ENO1: variants seen among roughly 807,000 people sequenced by gnomAD.
ENO1 encodes alpha-enolase.
ENO1 carries 33 observed loss-of-function variants against 46.3 expected under a neutral mutation model. The ratio of observed to expected loss-of-function variants is 0.71; its 90% CI spans 0.54 to 0.95. The LOEUF (loss-of-function observed/expected upper bound fraction) is 0.95. Among genes scored for constraint, ENO1 ranks in the 40% least tolerant of loss-of-function variants. ENO1 has a pLI of 0.00. For missense variants in ENO1, 488 were observed against 553.3 expected (o/e 0.88, Z 1.18); for synonymous variants, 220 against 216.0 (o/e 1.02, Z -0.16).
chr1:8,867,179 C>T lies in ENO1; in HGVS notation c.382G>A (p.Val128Ile), dbSNP rs777321133. Reference sequence around the variant, plus strand: ...TCAGCGATGTGGCGGTACAGGGGGACCCCCTTCTCAACGGCACCAGCTTTG... The same window carrying T: ...TCAGCGATGTGGCGGTACAGGGGGATCCCCTTCTCAACGGCACCAGCTTTG... ...VCKAGAVEKGVPLYRHIADLA... is the reference protein window; with the variant it reads ...VCKAGAVEKGIPLYRHIADLA... The change falls in exon 6 of 12, where the codon GTC becomes ATC. Residue 128 changes from valine to isoleucine, a missense_variant. Transcript: ENST00000234590. The T allele has an allele frequency of 3.7e-6, 6 of 1,614,038 alleles. No homozygotes were observed. Among genetic ancestry groups the T allele is most frequent in the African/African-American group, 1.3e-5 (1 of 74,912 alleles).
At chr1:8,862,299 C>T (rs1300602204) in intron 11 of ENO1, among the ~76,000 whole-genome samples, 3 of 152,090 alleles carry the variant, frequency 2.0e-5, no homozygotes, top group Non-Finnish European at 4.4e-5. Context: ...GTCTACTGTT[C>T]ACCTGCTTTT....
Position 8,866,492 on chromosome 1 carries a change from C to T in ENO1, c.454G>A (p.Val152Ile). 6.2e-7 allele frequency: 1 copy of T among 1,614,186 alleles called. No homozygotes were observed. The highest frequency in any genetic ancestry group is 8.5e-7 in the Non-Finnish European group (1 of 1,180,044). Residue 152 changes from valine (V) to isoleucine (I), a missense_variant, in exon 7 of 12, where the codon GTC (valine) becomes ATC (isoleucine). Physicochemically the swap from Val to Ile is conservative, Grantham distance 29. Transcript: ENST00000234590. ...EVILPVPAFNVINGGSHAGNK... is the reference protein window; with the variant it reads ...EVILPVPAFNIINGGSHAGNK... ...CCAGCATGAGAACCGCCATTGATGACATTGAACGCCTGGGGAGAGCAGAGC... is the reference window on the plus strand; with the variant it reads ...CCAGCATGAGAACCGCCATTGATGATATTGAACGCCTGGGGAGAGCAGAGC...
intron 1 of ENO1, among the ~76,000 whole-genome samples, chr1:8,876,725 G>A (rs1642740402): frequency 6.6e-6 from 1 of 151,972 alleles, no homozygotes. Context: ...GTGAACCCGG[G>A]AGGTGGAGCT....
In ENO1 at chr1:8,861,338, G is replaced by A. The variant is rs773036999; in HGVS notation, c.*22C>T. 48 of 1,612,944 alleles carry A rather than the reference G, an allele frequency of 3.0e-5. No homozygotes were observed. Among genetic ancestry groups the A allele is most frequent in the Admixed American group, 6.7e-5 (4 of 59,996 alleles). On this transcript the variant is annotated 3_prime_UTR_variant, in exon 12 of 12. Transcript: ENST00000234590. ...GGGTCTGTGTAGCCAACAGGTGACCGAAGGGCTTGCCTGCCCACAGCTTAC... is the reference window on the plus strand; with the variant it reads ...GGGTCTGTGTAGCCAACAGGTGACCAAAGGGCTTGCCTGCCCACAGCTTAC...
intron 5 of ENO1, 67 bp from the exon 6 acceptor site, chr1:8,867,317 T>G (rs1003355179): frequency 1.3e-6 from 2 of 1,591,640 alleles, no homozygotes; most frequent in Non-Finnish European, 1.7e-6. Flanking sequence ...CCTGCTGTAC[T>G]GCCCTGAGGG....
Position 8,866,291 on chromosome 1 carries a change from C to A in ENO1, c.655G>T (p.Glu219Ter), listed in dbSNP as rs1438079214. 1.2e-6 allele frequency: 2 copies of A among 1,614,038 alleles called. No individual in the cohort carries two copies. The highest frequency in any genetic ancestry group is 1.7e-6 in the Non-Finnish European group (2 of 1,180,026). Residue 219 changes from glutamate to a stop codon, truncating the protein, a stop_gained, in exon 7 of 12, where the codon GAG becomes TAG. Coordinates refer to ENST00000234590, the MANE Select transcript of ENO1 (RefSeq NM_001428.5). LOFTEE classifies it high-confidence loss of function. ...CTAGCGCCTTTACCTTCTTTATTCT[C>A]CAGGATGTTGGGAGCAAACCCGCCT... ...DEGGFAPNIL[E>*]NKEGLELLKT...
rs760894950 is a variant in ENO1 at position 8,861,469 on chromosome 1, GAA to G, written c.1236-42_1236-41del. On this transcript the variant is annotated intron_variant, in intron 11 of 11. Transcript: ENST00000234590. Reference sequence around the variant, plus strand: ...AGGTAAAGAGATGGGGAGGAAAAAAGAAAAGTCAGACCTCAAGTTTTAAGTTT... The same window carrying G: ...AGGTAAAGAGATGGGGAGGAAAAAAGAAGTCAGACCTCAAGTTTTAAGTTT... 2.7e-5 allele frequency: 43 copies of G among 1,609,354 alleles called. 1 individual carries two copies. The Middle Eastern group carries it at 6.6e-4, about 25-fold the overall frequency.
In ENO1 at chr1:8,876,854, T is replaced by TA. The variant is rs1254432611; in HGVS notation, c.-10+1725dup. On this transcript the variant is annotated intron_variant, in intron 1 of 11. Transcript: ENST00000234590. ...TGAAAATAAAGTGTGATTTTTTTTT[T>TA]ATTTTTTGAGACGGAGTTTCGCTGT... Among the ~76,000 whole-genome samples, 8 of 151,906 alleles carry TA rather than the reference T, an allele frequency of 5.3e-5. No homozygotes were observed. The East Asian group carries it at 5.8e-4, about 11-fold the overall frequency.
At chr1:8,865,083 C>T (rs1424211202) in intron 8 of ENO1, among the ~76,000 whole-genome samples, 1 of 152,166 alleles carries the variant, frequency 6.6e-6, no homozygotes, top group African/African-American at 2.4e-5. Context: ...ACCCGAGCTC[C>T]TTAGCTACAC....
intron 1 of ENO1, 148 bp from the exon 2 acceptor site, chr1:8,875,065 G>A (rs879137741): frequency 1.3e-5 from 8 of 615,412 alleles, no homozygotes; most frequent in Non-Finnish European, 2.2e-5. Context: ...CTAGGGTGGG[G>A]GGAAAAGCCT....
At position 8,861,411 on chromosome 1, in the gene ENO1, G is replaced by A. The variant is rs777638154; in HGVS notation, c.1254C>T (p.Gly418=). Residue 418 remains glycine, a synonymous_variant, in exon 12 of 12, where the codon GGC becomes GGT. Coordinates refer to ENST00000234590, the MANE Select transcript of ENO1 (RefSeq NM_001428.5). The part of the protein sequence containing the change: ...NQLLRIEEEL[G]SKAKFAGRNF... ...TCCTGCCGGCAAACTTAGCCTTGCT[G>A]CCCAGCTCCTCTTCAATTCTTGGGA... The A allele has an allele frequency of 5.0e-6, 8 of 1,613,958 alleles. No homozygotes were observed. In the Admixed American group the frequency reaches 1.3e-4, roughly 27 times the overall value.
rs1162377378 is a variant in ENO1 at position 8,874,917 on chromosome 1, T to G, written c.-9A>C. ...ATCTTGAGAATAGACATGGTGAACT[T>G]CTGTAGAAGAAACACACAGTTCATG... On this transcript the variant is annotated splice_region_variant and 5_prime_UTR_variant, in exon 2 of 12. Transcript: ENST00000234590. The G allele has an allele frequency of 1.9e-6, 3 of 1,611,014 alleles. No individual in the cohort carries two copies.
rs563956845 is a variant in ENO1 at position 8,865,260 on chromosome 1, G to C, written c.865+25C>G. 18 of 1,611,890 alleles carry C rather than the reference G, an allele frequency of 1.1e-5. No homozygotes were observed. The South Asian group carries it at 1.5e-4, about 14-fold the overall frequency. On this transcript the variant is annotated intron_variant, in intron 8 of 11. Coordinates refer to ENST00000234590, the MANE Select transcript of ENO1 (RefSeq NM_001428.5). ...TGCTGCAGGTCAGTGGCAGGAAAGG[G>C]AGATGGCACTCGGGGAACACTCACC...
At chr1:8,865,981 A>C (rs1312438971) in intron 7 of ENO1, 3 of 355,814 alleles carry the variant, frequency 8.4e-6, no homozygotes, top group Non-Finnish European at 1.5e-5. Flanking sequence ...TTGGCTCCCC[A>C]AACTAGTAGG....
intron 3 of ENO1, 64 bp downstream of exon 3, chr1:8,871,827 C>A: frequency 6.4e-7 from 1 of 1,562,850 alleles, no homozygotes. Flanking sequence ...GAGGACAGGA[C>A]TGGGCAAGGC....
intron 4 of ENO1, among the ~76,000 whole-genome samples, chr1:8,869,175 A>G (rs532587629): frequency 2.6e-5 from 4 of 152,174 alleles, no homozygotes; most frequent in Admixed American, 2.0e-4. Context: ...ACCCAAGCAC[A>G]CAGCTTCAGA....
In ENO1 at chr1:8,867,238, GCA is replaced by G. The variant is rs763006734; in HGVS notation, c.321_322del (p.Ala108GlufsTer17). On this transcript the variant is annotated frameshift_variant, in exon 6 of 12. Coordinates refer to ENST00000234590, the MANE Select transcript of ENO1 (RefSeq NM_001428.5). LOFTEE classifies it high-confidence loss of function. ...AAGGGACACCCCCAGAATGGCGTTC[GCA>G]CCAAACTTAGCTAGAACAGAAGAGA... 6 of 1,614,126 alleles carry G rather than the reference GCA, an allele frequency of 3.7e-6. No individual in the cohort carries two copies. In the African/African-American group the frequency reaches 8.0e-5, roughly 22 times the overall value.
intron 2 of ENO1, among the ~76,000 whole-genome samples, chr1:8,874,593 A>AAG (rs1642698190): frequency 6.6e-6 from 1 of 150,404 alleles, no homozygotes; most frequent in Middle Eastern, 3.2e-3. Flanking sequence ...AAAAAAAAAA[A>AAG]AAAAAAAGAA....
In ENO1 at chr1:8,868,081, G is replaced by A. The variant is rs778802806; in HGVS notation, c.241-24C>T. ...TTCTACGAGGGAGAGGGGAGAATGA[G>A]GGGTTGGGGCCACTCTTATCTGCAT... On this transcript the variant is annotated intron_variant, in intron 4 of 11. Transcript: ENST00000234590. 1.9e-6 allele frequency: 3 copies of A among 1,584,252 alleles called. 1 individual carries two copies. Among genetic ancestry groups the A allele is most frequent in the South Asian group, 2.2e-5 (2 of 90,408 alleles).
Sources: gnomAD v4.1 joint callset for allele counts (sites outside exome capture counted in the v4.1 genomes callset) on GRCh38, gnomAD v4.1.1 for gene constraint, MANE v1.5 for transcripts, NCBI Gene and HGNC (gene_info 2026-07-23, HGNC 2026-07-21) for gene names.